Variants in CDH10 observed in about 807,000 individuals in gnomAD.
CDH10 encodes the protein cadherin-10.
In CDH10, 30 loss-of-function variants were observed where a neutral mutation model predicts 73.1. That is an observed-to-expected ratio of 0.41 (90% CI 0.31 to 0.56). CDH10 has a LOEUF of 0.56. Ranked by LOEUF, CDH10 falls within the 20% of genes least tolerant of loss-of-function variation. The probability of loss-of-function intolerance (pLI) is 0.27; values close to 1 mark genes in which losing one functional copy is unlikely to be tolerated. For missense variants in CDH10, 815 were observed against 973.7 expected, an observed-to-expected ratio of 0.84 and a Z score of 2.17; for synonymous variants, 345 against 348.2, an observed-to-expected ratio of 0.99 and a Z score of 0.10.
intron 6 of CDH10, among the ~76,000 whole-genome samples, chr5:24,510,335 A>T (rs1444976410): frequency 3.3e-5 from 5 of 152,174 alleles, no homozygotes; most frequent in African/African-American, 1.2e-4. Flanking sequence ...GATAAGAAAA[A>T]CCCTCTGTAA....
intron 9 of CDH10, among the ~76,000 whole-genome samples, chr5:24,495,810 C>T (rs1439394982): frequency 2.7e-5 from 4 of 150,766 alleles, no homozygotes; most frequent in South Asian, 2.1e-4. Context: ...CGAGATCACG[C>T]CACTCACTGC....
At chr5:24,584,051 A>T (rs560959132) in intron 2 of CDH10, among the ~76,000 whole-genome samples, 34 of 152,196 alleles carry the variant, frequency 2.2e-4, no homozygotes, top group Middle Eastern at 3.2e-3. Context: ...TCTTACCACT[A>T]GAAAACTTAG....
At chr5:24,629,350 C>T (rs1285367067) in intron 1 of CDH10, among the ~76,000 whole-genome samples, 3 of 152,032 alleles carry the variant, frequency 2.0e-5, no homozygotes, top group African/African-American at 7.2e-5. Flanking sequence ...ATATATTTCA[C>T]CATACCATAA....
chr5:24,552,225 A>G, intron 2 of CDH10, among the ~76,000 whole-genome samples: 1 of 151,698 alleles, frequency 6.6e-6, no homozygotes, highest in South Asian at 2.1e-4. Flanking sequence ...AATTTGTGGG[A>G]CTCTGTTAGC....
chr5:24,626,507 C>T (rs1033434298), intron 1 of CDH10, among the ~76,000 whole-genome samples: 8 of 152,090 alleles, frequency 5.3e-5, no homozygotes, highest in African/African-American at 1.9e-4. Context: ...TAAACACATT[C>T]ATAGTATCAC....
intron 5 of CDH10, among the ~76,000 whole-genome samples, chr5:24,534,022 T>C (rs1743848865): frequency 6.6e-6 from 1 of 152,066 alleles, no homozygotes; most frequent in African/African-American, 2.4e-5. Flanking sequence ...ATTTGAATCA[T>C]GCACTATTAA....
chr5:24,588,078 GTA>G, intron 2 of CDH10, among the ~76,000 whole-genome samples: 1 of 152,136 alleles, frequency 6.6e-6, no homozygotes, highest in African/African-American at 2.4e-5. Context: ...TTGCATGTGT[GTA>G]TGATCTTTAC....
intron 8 of CDH10, among the ~76,000 whole-genome samples, chr5:24,498,937 T>C (rs1579720998): frequency 6.6e-6 from 1 of 152,188 alleles, no homozygotes; most frequent in Non-Finnish European, 1.5e-5. Flanking sequence ...GTTTTGTTTT[T>C]TTGAGCAGCA....
rs561776550 is a variant in CDH10 at position 24,603,528 on chromosome 5, CCAAT to C, written c.-123-9919_-123-9916del. On this transcript the variant is annotated intron_variant, in intron 1 of 11. Coordinates refer to ENST00000264463, the MANE Select transcript of CDH10 (RefSeq NM_006727.5). ...ATAATGTTGGCTCAACATTCAAATG[CCAAT>C]CATTGTTGTAACTGTCATATCAACA... Among the ~76,000 whole-genome samples the C allele has an allele frequency of 3.9e-4, 60 of 152,208 alleles. No individual in the cohort carries two copies. The East Asian group carries it at 6.0e-3, about 15-fold the overall frequency.
chr5:24,568,242 G>T (rs1745236331), intron 2 of CDH10, among the ~76,000 whole-genome samples: 1 of 151,936 alleles, frequency 6.6e-6, no homozygotes, highest in Non-Finnish European at 1.5e-5. Flanking sequence ...GAAATATTGG[G>T]CATGGAGAAC....
At chr5:24,569,470 CT>C (rs34079449) in intron 2 of CDH10, among the ~76,000 whole-genome samples, 33,237 of 151,802 alleles carry the variant, frequency 0.22, 4,135 homozygotes, top group Admixed American at 0.29. Flanking sequence ...TTTACAATGC[CT>C]TTTTCTACAT....
At chr5:24,526,852 TAAC>T (rs1382490312) in intron 5 of CDH10, among the ~76,000 whole-genome samples, 1 of 151,810 alleles carries the variant, frequency 6.6e-6, no homozygotes, top group Non-Finnish European at 1.5e-5. Context: ...TTCATGATGC[TAAC>T]AACGTCTTAT....
At chr5:24,526,823 T>A (rs527568639) in intron 5 of CDH10, among the ~76,000 whole-genome samples, 1 of 151,868 alleles carries the variant, frequency 6.6e-6, no homozygotes, top group Non-Finnish European at 1.5e-5. Flanking sequence ...TGCAGCATTT[T>A]ATCTTTTTAT....
chr5:24,515,788 GT>G (rs1743088221), intron 5 of CDH10, among the ~76,000 whole-genome samples: 2 of 152,082 alleles, frequency 1.3e-5, no homozygotes, highest in African/African-American at 4.8e-5. Context: ...CAATTCCCAC[GT>G]GTCATGGGAG....
At chr5:24,546,468 C>T (rs150666626) in intron 2 of CDH10, among the ~76,000 whole-genome samples, 43 of 152,194 alleles carry the variant, frequency 2.8e-4, no homozygotes, top group African/African-American at 9.1e-4. Context: ...CTGTGATTTG[C>T]GTCCTCCCTC....
intron 1 of CDH10, among the ~76,000 whole-genome samples, chr5:24,634,764 T>A (rs1747813700): frequency 6.6e-6 from 1 of 151,784 alleles, no homozygotes; most frequent in Admixed American, 6.6e-5. Flanking sequence ...GTGCTAAGTA[T>A]GCCCTACCAG....
At chr5:24,512,490 A>G (rs1056657195) in intron 5 of CDH10, among the ~76,000 whole-genome samples, 7 of 149,810 alleles carry the variant, frequency 4.7e-5, no homozygotes, top group Admixed American at 1.3e-4. Context: ...ACAAAATCCA[A>G]TGAAATCAGC....
At chr5:24,608,211 T>A (rs916176112) in intron 1 of CDH10, among the ~76,000 whole-genome samples, 1 of 152,008 alleles carries the variant, frequency 6.6e-6, no homozygotes, top group Non-Finnish European at 1.5e-5. Flanking sequence ...GCAAATCGAG[T>A]CATCTTCTAT....
At chr5:24,533,824 A>G (rs1353871161) in intron 5 of CDH10, among the ~76,000 whole-genome samples, 1 of 152,110 alleles carries the variant, frequency 6.6e-6, no homozygotes, top group Non-Finnish European at 1.5e-5. Context: ...TAATTAATTG[A>G]AAAAAGCATA....
Sources: gnomAD v4.1 joint callset for allele counts (sites outside exome capture counted in the v4.1 genomes callset) on GRCh38, gnomAD v4.1.1 for gene constraint, MANE v1.5 for transcripts, NCBI Gene and HGNC (gene_info 2026-07-23, HGNC 2026-07-21) for gene names.